DLGAP4: variants seen among roughly 807,000 people sequenced by gnomAD.
The protein encoded by DLGAP4 is disks large-associated protein 4.
In DLGAP4, 18 loss-of-function variants were observed where a neutral mutation model predicts 86.9. That is an observed-to-expected ratio of 0.21 (90% CI 0.14 to 0.31). DLGAP4 has a LOEUF of 0.31. Ranked by LOEUF, DLGAP4 falls within the 10% of genes least tolerant of loss-of-function variation. The probability of loss-of-function intolerance (pLI) is 1.00; values close to 1 mark genes in which losing one functional copy is unlikely to be tolerated. For synonymous variants in DLGAP4, 548 were observed against 574.3 expected (o/e 0.95, Z 0.65); for missense variants, 1,085 against 1,362.6 (o/e 0.80, Z 3.21).
At position 36,525,994 on chromosome 20, in the gene DLGAP4, C is replaced by T. The variant is rs758592667; in HGVS notation, c.2748C>T (p.Pro916=). 8.7e-6 allele frequency: 14 copies of T among 1,613,842 alleles called. No individual in the cohort carries two copies. The highest frequency in any genetic ancestry group is 1.6e-4 in the Middle Eastern group (1 of 6,084). The change falls in exon 12 of 13, where the codon CCC becomes CCT. Residue 916 remains proline (P), a synonymous_variant. Transcript: ENST00000339266. ...ACAGCTGGCAGCTGGTGGAGACCCCCGAGAAGAGGAAGGTGAGCATGGAGC... is the reference window on the plus strand; with the variant it reads ...ACAGCTGGCAGCTGGTGGAGACCCCTGAGAAGAGGAAGGTGAGCATGGAGC... The part of the protein sequence containing the change: ...KANSWQLVET[P]EKRKEEKKPP...
intron 2 of DLGAP4, among the ~76,000 whole-genome samples, chr20:36,427,269 G>A (rs2033000829): frequency 6.6e-6 from 1 of 152,096 alleles, no homozygotes; most frequent in African/African-American, 2.4e-5. Context: ...ATGAAGTCAG[G>A]AGTTAGAGAC....
chr20:36,464,733 C>T (rs2034262473), intron 7 of DLGAP4, among the ~76,000 whole-genome samples: 1 of 152,078 alleles, frequency 6.6e-6, no homozygotes, highest in African/African-American at 2.4e-5. Flanking sequence ...GCCTGTAATC[C>T]CAGCTACTTG....
In DLGAP4 at chr20:36,500,504, G is replaced by A. The variant is rs116321327; in HGVS notation, c.2405G>A (p.Arg802Gln). 69 of 1,593,776 alleles carry A rather than the reference G, an allele frequency of 4.3e-5. No homozygotes were observed. In the African/African-American group the frequency reaches 5.0e-4, roughly 11 times the overall value. ...AEPAQPGACR[R>Q]DGYWFLKLLQ... ...CCGGCACAGCCAGGGGCCTGCCGCC[G>A]AGACGGCTACTGGTTCCTAAAGCTA... Residue 802 changes from arginine to glutamine, a missense_variant, in exon 10 of 13, where the codon CGA (arginine) becomes CAA (glutamine). Coordinates refer to ENST00000339266, the MANE Select transcript of DLGAP4 (RefSeq NM_001365621.2). This position sits in a 1 kb window ranked among gnomAD's most constrained non-coding sequence, Gnocchi z 4.6.
At chr20:36,424,171 G>C (rs937578261) in intron 2 of DLGAP4, among the ~76,000 whole-genome samples, 1 of 152,188 alleles carries the variant, frequency 6.6e-6, no homozygotes, top group African/African-American at 2.4e-5. Flanking sequence ...TGTGACAGGT[G>C]AAGGGGACAG....
intron 4 of DLGAP4, among the ~76,000 whole-genome samples, chr20:36,439,028 C>T (rs2033371328): frequency 6.6e-6 from 1 of 152,110 alleles, no homozygotes; most frequent in African/African-American, 2.4e-5. Context: ...GTGGGAGAGG[C>T]AGGAAGCCTG....
chr20:36,351,846 G>C (rs1393471115), intron 1 of DLGAP4, among the ~76,000 whole-genome samples: 1 of 152,122 alleles, frequency 6.6e-6, no homozygotes, highest in African/African-American at 2.4e-5. Flanking sequence ...TGTTGGTGGG[G>C]AAGAGAAACA....
chr20:36,436,880 C>G (rs1196802615), intron 4 of DLGAP4, among the ~76,000 whole-genome samples: 2 of 151,996 alleles, frequency 1.3e-5, no homozygotes, highest in Non-Finnish European at 2.9e-5. Flanking sequence ...CTCCCAGAGG[C>G]TTTTCTCCCC....
chr20:36,410,033 C>CAA (rs11475768), intron 2 of DLGAP4, among the ~76,000 whole-genome samples: 4 of 94,728 alleles, frequency 4.2e-5, no homozygotes, highest in Non-Finnish European at 2.2e-5. Context: ...GACTCCGTCT[C>CAA]AAAAAAAAAA....
At chr20:36,386,866 A>G (rs2031617116) in intron 2 of DLGAP4, among the ~76,000 whole-genome samples, 1 of 152,226 alleles carries the variant, frequency 6.6e-6, no homozygotes, top group Non-Finnish European at 1.5e-5. Context: ...CATAAATTAT[A>G]TCATAATCAA....
At chr20:36,376,882 G>T (rs982399972) in intron 2 of DLGAP4, among the ~76,000 whole-genome samples, 1 of 152,212 alleles carries the variant, frequency 6.6e-6, no homozygotes, top group Non-Finnish European at 1.5e-5. Flanking sequence ...GGAGGAGAGC[G>T]TGTCAAGGGC....
intron 2 of DLGAP4, among the ~76,000 whole-genome samples, chr20:36,407,959 GTC>G (rs1166898482): frequency 3.9e-5 from 6 of 152,266 alleles, no homozygotes; most frequent in African/African-American, 1.2e-4. Context: ...TAAGAGCATG[GTC>G]TCTGGACTTA....
At chr20:36,418,586 A>G (rs1371654700) in intron 2 of DLGAP4, among the ~76,000 whole-genome samples, 1 of 152,150 alleles carries the variant, frequency 6.6e-6, no homozygotes, top group Non-Finnish European at 1.5e-5. Flanking sequence ...TGCTGAAGCC[A>G]GGCAGGTTTC....
At chr20:36,401,306 A>C (rs984944506) in intron 2 of DLGAP4, among the ~76,000 whole-genome samples, 3 of 152,232 alleles carry the variant, frequency 2.0e-5, no homozygotes, top group African/African-American at 7.2e-5. Context: ...TAAATATTTT[A>C]TTCCATTCCA....
In DLGAP4 at chr20:36,431,990, T is replaced by A; in HGVS notation, c.273T>A (p.His91Gln). 6.2e-7 allele frequency: 1 copy of A among 1,614,116 alleles called. No individual in the cohort carries two copies. The highest frequency in any genetic ancestry group is 8.5e-7 in the Non-Finnish European group (1 of 1,180,022). ...CAGAGGAGAGCCCCTTCCCCAGCCA[T>A]GCCCAAGCCACCAAGATCAACCGGC... ...EVPEESPFPS[H>Q]AQATKINRLP... Residue 91 changes from histidine to glutamine, a missense_variant, in exon 3 of 13, where the codon CAT becomes CAA. By Grantham distance (24) the His-to-Gln change is conservative (BLOSUM62 0). This residue lies in a region of DLGAP4 where 1,082 missense variants were observed against 1,344.1 expected (regional missense o/e 0.81). Coordinates refer to ENST00000339266, the MANE Select transcript of DLGAP4 (RefSeq NM_001365621.2). The surrounding 1 kb of genome is among the most constrained non-coding windows in gnomAD (Gnocchi z 5.1).
At chr20:36,321,334 G>A (rs1178193681) in intron 1 of DLGAP4, among the ~76,000 whole-genome samples, 1 of 152,264 alleles carries the variant, frequency 6.6e-6, no homozygotes, top group Non-Finnish European at 1.5e-5. Flanking sequence ...GGGCAGGGAT[G>A]GGGTCTTTCA....
intron 10 of DLGAP4, among the ~76,000 whole-genome samples, chr20:36,517,636 G>T (rs2147841718): frequency 6.6e-6 from 1 of 151,986 alleles, no homozygotes; most frequent in Middle Eastern, 3.4e-3. Flanking sequence ...GTTGGTGGTT[G>T]GGAGAAGTCA....
chr20:36,498,978 A>G, intron 8 of DLGAP4: 1 of 457,504 alleles, frequency 2.2e-6, no homozygotes, highest in Non-Finnish European at 4.0e-6. Flanking sequence ...AACCTCAGCC[A>G]AGTGTGAATA....
intron 1 of DLGAP4, among the ~76,000 whole-genome samples, chr20:36,317,227 CTT>C (rs1428102852): frequency 6.0e-3 from 119 of 19,966 alleles, no homozygotes; most frequent in African/African-American, 0.031. Flanking sequence ...CTCCTTTTTT[CTT>C]TCTTTCTTTC....
intron 1 of DLGAP4, among the ~76,000 whole-genome samples, chr20:36,336,218 G>A (rs961469360): frequency 6.6e-6 from 1 of 152,150 alleles, no homozygotes; most frequent in Admixed American, 6.5e-5. Flanking sequence ...AGGCCACAGA[G>A]CTGAAGTTTC....
Sources: gnomAD v4.1 joint callset for allele counts (sites outside exome capture counted in the v4.1 genomes callset) on GRCh38, gnomAD v4.1.1 for gene constraint, gnomAD v4.1.1 regional missense constraint, Gnocchi (gnomAD v3.1) non-coding constraint, MANE v1.5 for transcripts, NCBI Gene and HGNC (gene_info 2026-07-23, HGNC 2026-07-21) for gene names.